PHIP: variants seen among roughly 807,000 people sequenced by gnomAD.
The protein encoded by PHIP is PHIP subunit of CUL4-Ring ligase complex.
A neutral mutation model predicts 236.8 loss-of-function variants in PHIP; 54 were observed. The ratio of observed to expected loss-of-function variants is 0.23; its 90% CI spans 0.18 to 0.29. The LOEUF is 0.29. Among genes scored for constraint, PHIP ranks in the 10% least tolerant of loss-of-function variants. PHIP has a pLI of 1.00. For synonymous variants in PHIP, 756 were observed against 718.9 expected (o/e 1.05, Z -0.83); for missense variants, 1,370 against 2,190.8 (o/e 0.63, Z 7.48).
chr6:78,958,418 A>C lies in PHIP; in HGVS notation c.3782+57T>G, dbSNP rs1766566811. 3.7e-6 allele frequency: 4 copies of C among 1,086,130 alleles called. No individual in the cohort carries two copies. The Admixed American group carries it at 7.8e-5, about 21-fold the overall frequency. The allele number at this position is 1,086,130 out of a possible 1,614,324, so 67.3% of individuals were successfully genotyped here. The stretch of plus-strand genomic sequence containing the variant: ...CAGTATGTTTTCTATTTTAAGAGGA[A>C]CTGTAGTGCCATTAATTATTAAAAC... On this transcript the variant is annotated intron_variant, in intron 32 of 39. Transcript: ENST00000275034.
Position 79,015,749 on chromosome 6 carries a change from T to C in PHIP, c.1270A>G (p.Lys424Glu), listed in dbSNP as rs1462868269. ...NLQGIEDKIT[K>E]MKVTMVAWDR... ...CAAGCTACCATAGTAACCTTCATTTTTGTGATTTTATCTTCTATTCCTTGA... is the reference window on the plus strand; with the variant it reads ...CAAGCTACCATAGTAACCTTCATTTCTGTGATTTTATCTTCTATTCCTTGA... The change falls in exon 14 of 40, where the codon AAA becomes GAA. Residue 424 changes from lysine (K) to glutamate (E), a missense_variant. Around this residue, in one of 14 missense-constraint regions of PHIP, gnomAD observed 188 missense variants for 354.3 expected, o/e 0.53. Transcript: ENST00000275034. 6.2e-7 allele frequency: 1 copy of C among 1,611,574 alleles called. No individual in the cohort carries two copies. The highest frequency in any genetic ancestry group is 8.5e-7 in the Non-Finnish European group (1 of 1,178,410).
intron 39 of PHIP, among the ~76,000 whole-genome samples, chr6:78,941,790 TTA>T (rs146009887): frequency 8.6e-5 from 13 of 151,710 alleles, no homozygotes; most frequent in African/African-American, 2.7e-4. Context: ...GAAATACTGA[TTA>T]TATATATATA....
At chr6:78,970,250 A>G in intron 25 of PHIP, 77 bp from the exon 26 acceptor site, 2 of 1,292,912 alleles carry the variant, frequency 1.5e-6, no homozygotes, top group Non-Finnish European at 2.2e-6. Flanking sequence ...TTGTTGAGAA[A>G]AAACTTCTTG....
chr6:79,006,923 AAAGAAT>A (rs1169998455), intron 15 of PHIP, among the ~76,000 whole-genome samples: 1 of 152,076 alleles, frequency 6.6e-6, no homozygotes, highest in Non-Finnish European at 1.5e-5. Context: ...AAAACTTCAA[AAAGAAT>A]AAGAGGAGTA....
At chr6:79,013,136 A>T (rs1475131983) in intron 15 of PHIP, among the ~76,000 whole-genome samples, 1 of 151,760 alleles carries the variant, frequency 6.6e-6, no homozygotes, top group Non-Finnish European at 1.5e-5. Flanking sequence ...TCTGTAATGT[A>T]CAGTTTCTCC....
chr6:78,969,417 T>C (rs1767373502), intron 27 of PHIP, among the ~76,000 whole-genome samples: 3 of 152,214 alleles, frequency 2.0e-5, no homozygotes, highest in African/African-American at 7.2e-5. Flanking sequence ...TTTTAGTTTC[T>C]TTGAGACTTG....
chr6:79,064,189 G>A (rs557450528), intron 4 of PHIP, among the ~76,000 whole-genome samples: 2 of 152,120 alleles, frequency 1.3e-5, no homozygotes, highest in African/African-American at 4.8e-5. Context: ...CTGACTGCAC[G>A]GAAATCCTAC....
chr6:79,027,660 A>G (rs1771474478), intron 7 of PHIP, among the ~76,000 whole-genome samples: 1 of 152,154 alleles, frequency 6.6e-6, no homozygotes, highest in Admixed American at 6.5e-5. Flanking sequence ...GGACATATAA[A>G]CACTTATATG....
intron 10 of PHIP, among the ~76,000 whole-genome samples, chr6:79,017,824 A>T (rs1011594613): frequency 6.6e-6 from 1 of 151,958 alleles, no homozygotes; most frequent in African/African-American, 2.4e-5. Context: ...CTCAAAAAAT[A>T]ATTTCACTAA....
At chr6:79,052,745 G>C (rs1772859922) in intron 6 of PHIP, among the ~76,000 whole-genome samples, 1 of 151,998 alleles carries the variant, frequency 6.6e-6, no homozygotes, top group East Asian at 1.9e-4. Flanking sequence ...TAAGTATCTG[G>C]CACTATATAA....
chr6:78,952,106 C>G (rs768391932), intron 35 of PHIP, among the ~76,000 whole-genome samples: 1 of 152,064 alleles, frequency 6.6e-6, no homozygotes, highest in African/African-American at 2.4e-5. Flanking sequence ...CATAGCTTCT[C>G]AAATGTTTAC....
chr6:78,974,622 C>T (rs1242895235), intron 24 of PHIP, among the ~76,000 whole-genome samples: 8 of 152,072 alleles, frequency 5.3e-5, no homozygotes, highest in Non-Finnish European at 7.4e-5. Flanking sequence ...AATCGATAGA[C>T]CGCCAGCAAG....
intron 4 of PHIP, among the ~76,000 whole-genome samples, chr6:79,075,687 A>C (rs1309596935): frequency 6.6e-6 from 1 of 151,864 alleles, no homozygotes; most frequent in African/African-American, 2.4e-5. Flanking sequence ...AGCCATTACC[A>C]TAATTTAGCC....
At chr6:79,030,891 A>G (rs1582252866) in intron 7 of PHIP, among the ~76,000 whole-genome samples, 1 of 150,258 alleles carries the variant, frequency 6.7e-6, no homozygotes, top group African/African-American at 2.5e-5. Context: ...AATCACAAAG[A>G]TAAGAGAGTA....
intron 15 of PHIP, among the ~76,000 whole-genome samples, chr6:79,004,163 C>CAA (rs1047043757): frequency 6.6e-6 from 1 of 152,092 alleles, no homozygotes; most frequent in Non-Finnish European, 1.5e-5. Flanking sequence ...TTATGTCTTA[C>CAA]ACTCCATCTA....
At chr6:78,974,267 T>C (rs1326610041) in intron 24 of PHIP, among the ~76,000 whole-genome samples, 1 of 152,086 alleles carries the variant, frequency 6.6e-6, no homozygotes, top group Non-Finnish European at 1.5e-5. Flanking sequence ...AACCTGCTCC[T>C]GAATGACTAC....
At chr6:78,945,567 G>A in intron 38 of PHIP, 70 bp from the exon 39 acceptor site, 3 of 904,786 alleles carry the variant, frequency 3.3e-6, no homozygotes, top group Non-Finnish European at 5.2e-6. Flanking sequence ...AGGTTAACCT[G>A]AATTATTTGA....
intron 29 of PHIP, among the ~76,000 whole-genome samples, chr6:78,964,769 G>T (rs1405977803): frequency 6.6e-6 from 1 of 152,146 alleles, no homozygotes; most frequent in African/African-American, 2.4e-5. Flanking sequence ...GGGATTACAG[G>T]TGTGAGCCAC....
In PHIP at chr6:79,004,313, G is replaced by A. The variant is rs141566497; in HGVS notation, c.1525-455C>T. 5 of 611,866 alleles carry A rather than the reference G, an allele frequency of 8.2e-6. No individual in the cohort carries two copies. The East Asian group carries it at 5.6e-4, about 69-fold the overall frequency. 37.9% of individuals were successfully genotyped at this position (611,866 alleles called of 1,614,324 possible). ...ATTATTTTTGGTAATAAATTCCCTG[G>A]TAGTCTGACTCGTCTTTTAAATGGT... On this transcript the variant is annotated intron_variant, in intron 15 of 39. Transcript: ENST00000275034.
Sources: allele counts gnomAD v4.1 joint callset (sites outside exome capture counted in the v4.1 genomes callset), GRCh38; gene constraint gnomAD v4.1.1; regional missense constraint gnomAD v4.1.1; transcripts MANE v1.5; gene names NCBI Gene and HGNC (gene_info 2026-07-23, HGNC 2026-07-21).